TCERG1: variants seen among roughly 807,000 people sequenced by gnomAD.
The protein encoded by TCERG1 is TATA box binding protein (TBP)-associated factor, RNA polymerase II, S, 150kD.
TCERG1 carries 37 observed loss-of-function variants against 144.7 expected under a neutral mutation model. The observed-to-expected ratio is 0.26, with a 90% CI of 0.20 to 0.34. The LOEUF (loss-of-function observed/expected upper bound fraction) is 0.34. TCERG1 is among the 10% of genes least tolerant of loss of function. The pLI, the probability that TCERG1 is intolerant of heterozygous loss-of-function variation, is 1.00. For missense variants in TCERG1, 1,027 were observed against 1,380.7 expected, an observed-to-expected ratio of 0.74 and a Z score of 4.06; for synonymous variants, 492 against 458.2, an observed-to-expected ratio of 1.07 and a Z score of -0.94.
intron 4 of TCERG1, 33 bp downstream of exon 4, chr5:146,459,370 G>C: frequency 6.3e-7 from 1 of 1,594,672 alleles, no homozygotes; most frequent in South Asian, 1.1e-5. Flanking sequence ...TTTTATATAG[G>C]GGCTAGAGAC....
At chr5:146,486,764 C>G (rs1485879868) in intron 15 of TCERG1, among the ~76,000 whole-genome samples, 1 of 152,042 alleles carries the variant, frequency 6.6e-6, no homozygotes, top group Non-Finnish European at 1.5e-5. Flanking sequence ...AAAGATGCTA[C>G]TAAAAATCTC....
At chr5:146,505,727 T>G (rs1767924617) in intron 19 of TCERG1, 1 of 152,198 alleles carries the variant, frequency 6.6e-6, no homozygotes. Flanking sequence ...ACTGCAGCAC[T>G]TATTACCTGT....
At chr5:146,504,936 C>T (rs921261712) in intron 19 of TCERG1, among the ~76,000 whole-genome samples, 1 of 152,006 alleles carries the variant, frequency 6.6e-6, no homozygotes, top group Admixed American at 6.6e-5. Context: ...GTCCCAGCTA[C>T]TTGGGAGGCT....
chr5:146,459,425 T>C, intron 4 of TCERG1, 88 bp downstream of exon 4: 2 of 1,527,182 alleles, frequency 1.3e-6, no homozygotes, highest in Non-Finnish European at 1.8e-6. Flanking sequence ...CCAGTGTTTC[T>C]GGTATTATCC....
intron 9 of TCERG1, among the ~76,000 whole-genome samples, chr5:146,475,953 G>A (rs1033389718): frequency 3.3e-5 from 5 of 151,934 alleles, no homozygotes; most frequent in African/African-American, 4.8e-5. Context: ...TATCCTTATT[G>A]ATGTTTAAAA....
chr5:146,506,821 TG>T (rs1267686473), intron 19 of TCERG1, among the ~76,000 whole-genome samples: 2 of 152,210 alleles, frequency 1.3e-5, no homozygotes, highest in Admixed American at 6.5e-5. Flanking sequence ...ATGCCATAAA[TG>T]AATAGAATTT....
chr5:146,490,855 A>G (rs1037304344), intron 15 of TCERG1, among the ~76,000 whole-genome samples: 6 of 151,916 alleles, frequency 3.9e-5, no homozygotes, highest in Non-Finnish European at 4.4e-5. Flanking sequence ...CTTTTTGGAT[A>G]ATTTCCTTGC....
intron 5 of TCERG1, among the ~76,000 whole-genome samples, chr5:146,466,680 G>T (rs1763820060): frequency 6.6e-6 from 1 of 152,180 alleles, no homozygotes; most frequent in Non-Finnish European, 1.5e-5. Context: ...AGAAACTTCA[G>T]TGTATCTTTT....
At chr5:146,504,720 T>C (rs1264361239) in intron 19 of TCERG1, among the ~76,000 whole-genome samples, 1 of 152,096 alleles carries the variant, frequency 6.6e-6, no homozygotes, top group African/African-American at 2.4e-5. Flanking sequence ...CTGGGCCACA[T>C]TGGAAGGAGA....
At chr5:146,510,378 C>T in intron 22 of TCERG1, 63 bp from the exon 23 acceptor site, 2 of 1,218,976 alleles carry the variant, frequency 1.6e-6, no homozygotes, top group Admixed American at 1.9e-5. Flanking sequence ...ACATTTCCAG[C>T]TCATTTCTGA....
intron 4 of TCERG1, 78 bp from the exon 5 acceptor site, chr5:146,463,473 G>T: frequency 6.3e-7 from 1 of 1,581,724 alleles, no homozygotes; most frequent in African/African-American, 1.3e-5. Flanking sequence ...TTAAATTACT[G>T]AATGTGTAAA....
chr5:146,474,095 G>C (rs139158092), intron 9 of TCERG1, among the ~76,000 whole-genome samples: 1 of 152,026 alleles, frequency 6.6e-6, no homozygotes, highest in Admixed American at 6.5e-5. Context: ...GTGGATCTGG[G>C]CAAAGTCAAT....
intron 4 of TCERG1, among the ~76,000 whole-genome samples, chr5:146,462,330 A>C (rs1407673291): frequency 1.3e-5 from 2 of 152,212 alleles, no homozygotes; most frequent in African/African-American, 4.8e-5. Flanking sequence ...ATACAGGTAG[A>C]CATTTTTTTC....
rs1768475162 is a variant in TCERG1 at position 146,511,874 on chromosome 5, C to G, written c.*1232C>G. On this transcript the variant is annotated 3_prime_UTR_variant, in exon 23 of 23. Transcript: ENST00000679501. Reference sequence around the variant, plus strand: ...TTCCTAATTGATATATCTAGCTTTACCTCCCGAGTTAAAAAAAAATCTTTT... The same window carrying G: ...TTCCTAATTGATATATCTAGCTTTAGCTCCCGAGTTAAAAAAAAATCTTTT... 1.2e-5 allele frequency: 1 copy of G among 82,270 alleles called. No homozygotes were observed. The highest frequency in any genetic ancestry group is 6.4e-4 in the South Asian group (1 of 1,568). 5.1% of individuals were successfully genotyped at this position (82,270 alleles called of 1,614,324 possible).
At chr5:146,481,983 A>G (rs1390326523) in intron 13 of TCERG1, 1 of 152,156 alleles carries the variant, frequency 6.6e-6, no homozygotes, top group Non-Finnish European at 1.5e-5. Flanking sequence ...TTCAACTTAA[A>G]TCTCAACTTA....
intron 15 of TCERG1, 104 bp downstream of exon 15, chr5:146,483,733 T>C: frequency 1.3e-6 from 1 of 789,612 alleles, no homozygotes; most frequent in Non-Finnish European, 2.0e-6. Flanking sequence ...ATACAGCATT[T>C]CAAAAATATA....
chr5:146,463,640 C>T lies in TCERG1; in HGVS notation c.982C>T (p.Pro328Ser), dbSNP rs756040357. The change falls in exon 5 of 23, where the codon CCT (proline) becomes TCT (serine). Residue 328 changes from proline to serine, a missense_variant. Around this residue, in one of 6 missense-constraint regions of TCERG1, gnomAD observed 187 missense variants for 169.1 expected, o/e 1.11. Transcript: ENST00000679501. ...TTCAACTCCTGCTCCTACAGCCACACCTGTGCAAACCGTTCCCCAGCCGCA... is the reference window on the plus strand; with the variant it reads ...TTCAACTCCTGCTCCTACAGCCACATCTGTGCAAACCGTTCCCCAGCCGCA... ...SVSTPAPTAT[P>S]VQTVPQPHPQ... 2.0e-5 allele frequency: 32 copies of T among 1,614,098 alleles called. No homozygotes were observed. The highest frequency in any genetic ancestry group is 2.7e-5 in the Non-Finnish European group (32 of 1,180,054).
intron 15 of TCERG1, among the ~76,000 whole-genome samples, chr5:146,488,674 G>A (rs573126085): frequency 6.6e-6 from 1 of 152,156 alleles, no homozygotes; most frequent in South Asian, 2.1e-4. Flanking sequence ...GAGGTTCCTC[G>A]AAAAACTAAA....
chr5:146,454,037 C>CCAA (rs1293178873), intron 1 of TCERG1, among the ~76,000 whole-genome samples: 109 of 129,836 alleles, frequency 8.4e-4, no homozygotes, highest in Non-Finnish European at 1.6e-3. Flanking sequence ...TACTCAAATA[C>CCAA]AAAAAAAAAA....
Sources: allele counts gnomAD v4.1 joint callset (sites outside exome capture counted in the v4.1 genomes callset), GRCh38; gene constraint gnomAD v4.1.1; regional missense constraint gnomAD v4.1.1; transcripts MANE v1.5; gene names NCBI Gene and HGNC (gene_info 2026-07-23, HGNC 2026-07-21).